AMPD1: variants seen among roughly 807,000 people sequenced by gnomAD.
AMPD1 encodes the protein adenosine monophosphate deaminase 1.
Under a neutral mutation model 82.9 loss-of-function variants are expected in AMPD1, and 74 were observed. That is an observed-to-expected ratio of 0.89 (90% CI 0.74 to 1.08). The LOEUF is 1.08. Ranked by LOEUF, AMPD1 falls within the 50% of genes least tolerant of loss-of-function variation. The pLI, the probability that AMPD1 is intolerant of heterozygous loss-of-function variation, is 0.00. For missense variants in AMPD1, 881 were observed against 924.5 expected (o/e 0.95, Z 0.61); for synonymous variants, 333 against 320.5 (o/e 1.04, Z -0.42).
At chr1:114,684,637 G>A (rs1658259461) in intron 4 of AMPD1, 1 of 529,924 alleles carries the variant, frequency 1.9e-6, no homozygotes, top group Admixed American at 3.2e-5. Context: ...TCTGGTTTTT[G>A]TTACATAGCA....
chr1:114,688,512 AC>A (rs770894044), intron 3 of AMPD1, 48 bp downstream of exon 3: 1 of 1,589,100 alleles, frequency 6.3e-7, no homozygotes, highest in African/African-American at 1.3e-5. Context: ...CCTGGCAGAT[AC>A]CCCTCCTTAG....
rs775914313 is a variant in AMPD1, at chr1:114,678,361, A to G, written c.1064T>C (p.Leu355Pro). 5.6e-6 allele frequency: 9 copies of G among 1,614,200 alleles called. No homozygotes were observed. Among genetic ancestry groups the G allele is most frequent in the Non-Finnish European group, 7.6e-6 (9 of 1,180,040 alleles). The change falls in exon 8 of 16, where the codon CTG (leucine) becomes CCG (proline). Residue 355 changes from leucine to proline, a missense_variant. By Grantham distance (98) the Leu-to-Pro change is moderately conservative. This residue lies in a region of AMPD1 where 783 missense variants were observed against 786.4 expected (regional missense o/e 1.00). Transcript: ENST00000520113. Reference sequence around the variant, plus strand: ...ATGAACATCCAGAGAATCAACAGTCAGGTCATAAGGATGCATTTTTAATTT... The same window carrying G: ...ATGAACATCCAGAGAATCAACAGTCGGGTCATAAGGATGCATTTTTAATTT... ...FAKLKMHPYD[L>P]TVDSLDVHAG...
At position 114,686,879 on chromosome 1, in the gene AMPD1, T is replaced by C. The variant is rs749940824; in HGVS notation, c.247A>G (p.Asn83Asp). Reference sequence around the variant, plus strand: ...GTTTCACTTAGTGGAATGGACAAATTAACAGTCTTCCGTCCTTGGAAACGC... The same window carrying C: ...GTTTCACTTAGTGGAATGGACAAATCAACAGTCTTCCGTCCTTGGAAACGC... ...KKRFQGRKTV[N>D]LSIPLSETSS... is the part of the protein sequence containing the mutation. Residue 83 changes from asparagine (N) to aspartate (D), a missense_variant, in exon 4 of 16, where the codon AAT (asparagine) becomes GAT (aspartate). Coordinates refer to ENST00000520113, the MANE Select transcript of AMPD1 (RefSeq NM_000036.3). The C allele has an allele frequency of 1.9e-6, 3 of 1,614,216 alleles. No individual in the cohort carries two copies. The highest frequency in any genetic ancestry group is 2.5e-6 in the Non-Finnish European group (3 of 1,180,026).
chr1:114,692,145 T>C lies in AMPD1; in HGVS notation c.34+1291A>G, dbSNP rs139218749. On this transcript the variant is annotated intron_variant, in intron 2 of 15. Transcript: ENST00000520113. ...TCCAGAAGTTGGAGATTACTATTAT[T>C]AACACAGGAAGTGCAAGACTCTTGA... Among the ~76,000 whole-genome samples, 552 of 152,314 alleles carry C rather than the reference T, an allele frequency of 3.6e-3. 4 individuals are homozygous for C. Among genetic ancestry groups the C allele is most frequent in the Middle Eastern group, 0.017 (5 of 294 alleles).
chr1:114,673,364 G>A lies in AMPD1; in HGVS notation c.2086-92C>T. The A allele has an allele frequency of 3.5e-6, 5 of 1,410,086 alleles. No individual in the cohort carries two copies. In the South Asian group the frequency reaches 3.6e-5, roughly 10 times the overall value. 87.3% of individuals were successfully genotyped at this position (1,410,086 alleles called of 1,614,324 possible). A position where few individuals can be genotyped will look rare whatever the true frequency, so the allele number is the denominator to read the frequency against. On this transcript the variant is annotated intron_variant, in intron 15 of 15. Coordinates refer to ENST00000520113, the MANE Select transcript of AMPD1 (RefSeq NM_000036.3). ...TTCTTTACAAAAATTCCTTCCTTAT[G>A]TTAGCCACTGACAAAAGAATAATAA...
intron 10 of AMPD1, 44 bp from the exon 11 acceptor site, chr1:114,676,047 T>C (rs1375558929): frequency 6.2e-7 from 1 of 1,604,788 alleles, no homozygotes; most frequent in Admixed American, 1.7e-5. Context: ...AAAAGATTTT[T>C]AGGACTGATA....
intron 5 of AMPD1, among the ~76,000 whole-genome samples, chr1:114,681,468 G>T (rs757421343): frequency 6.6e-6 from 1 of 151,598 alleles, no homozygotes; most frequent in Non-Finnish European, 1.5e-5. Flanking sequence ...GGTGGTGTGC[G>T]CCTGTAGTCC....
At chr1:114,685,193 G>A (rs983150395) in intron 4 of AMPD1, among the ~76,000 whole-genome samples, 8 of 152,148 alleles carry the variant, frequency 5.3e-5, no homozygotes, top group Non-Finnish European at 1.0e-4. Context: ...GGCCAAAAGC[G>A]TCTGGCACAG....
intron 2 of AMPD1, 63 bp from the exon 3 acceptor site, chr1:114,688,804 G>T (rs1658422909): frequency 5.7e-6 from 9 of 1,581,482 alleles, no homozygotes; most frequent in Non-Finnish European, 7.8e-6. Flanking sequence ...GAGAGTTTCT[G>T]CTATGTGTAA....
intron 5 of AMPD1, among the ~76,000 whole-genome samples, chr1:114,683,708 G>T (rs1308512251): frequency 6.6e-6 from 1 of 152,164 alleles, no homozygotes; most frequent in Non-Finnish European, 1.5e-5. Flanking sequence ...CTGCACTCCA[G>T]CCTGGGCAAC....
At chr1:114,675,414 G>A (rs1392236089) in intron 12 of AMPD1, 116 bp downstream of exon 12, 5 of 1,136,610 alleles carry the variant, frequency 4.4e-6, no homozygotes, top group East Asian at 4.7e-5. Context: ...TTTCTGATTT[G>A]GGCCAATTGG....
At chr1:114,675,456 C>G in intron 12 of AMPD1, 74 bp downstream of exon 12, 3 of 1,518,580 alleles carry the variant, frequency 2.0e-6, no homozygotes, top group Non-Finnish European at 2.7e-6. Flanking sequence ...GGCCCCTGAC[C>G]ACCTTAATTG....
In AMPD1 at chr1:114,686,871, G is replaced by A. The variant is rs756750015; in HGVS notation, c.255C>T (p.Ser85=). ...RFQGRKTVNL[S]IPLSETSSTK... The stretch of plus-strand genomic sequence containing the variant: ...TGGAAGATGTTTCACTTAGTGGAAT[G>A]GACAAATTAACAGTCTTCCGTCCTT... Residue 85 remains serine, a synonymous_variant, in exon 4 of 16, where the codon TCC becomes TCT. Transcript: ENST00000520113. 6.8e-6 allele frequency: 11 copies of A among 1,614,070 alleles called. No individual in the cohort carries two copies. In the African/African-American group the frequency reaches 1.5e-4, roughly 22 times the overall value.
rs1405614932 is a variant in AMPD1 at position 114,680,200 on chromosome 1, G to A, written c.767+59C>T. 3.6e-6 allele frequency: 5 copies of A among 1,406,066 alleles called. No individual in the cohort carries two copies. The East Asian group carries it at 1.1e-4, about 32-fold the overall frequency. 87.1% of individuals were successfully genotyped at this position (1,406,066 alleles called of 1,614,324 possible). Reference sequence around the variant, plus strand: ...CTCACTATCAGTAGAAGTAGTACTAGTTGTTGTTTAGGTCTTGTAGTACTA... The same window carrying A: ...CTCACTATCAGTAGAAGTAGTACTAATTGTTGTTTAGGTCTTGTAGTACTA... On this transcript the variant is annotated intron_variant, in intron 6 of 15. Transcript: ENST00000520113.
rs1342960427 is a variant in AMPD1 at position 114,678,523 on chromosome 1, T to C, written c.902A>G (p.Asp301Gly). The C allele has an allele frequency of 6.2e-7, 1 of 1,613,494 alleles. No individual in the cohort carries two copies. The highest frequency in any genetic ancestry group is 1.3e-5 in the African/African-American group (1 of 75,028). Reference protein sequence around the residue: ...HRDFYNCRKVDTHIHAAACMN... With the variant: ...HRDFYNCRKVGTHIHAAACMN... ...GCAAGCGGCTGCATGGATATGGGTG[T>C]CCACCTGTATGTATATTCAAAGAAA... The change falls in exon 8 of 16, where the codon GAC becomes GGC. Residue 301 changes from aspartate (D) to glycine (G), a missense_variant. Transcript: ENST00000520113.
chr1:114,676,911 T>C (rs1311810917), intron 10 of AMPD1, among the ~76,000 whole-genome samples: 3 of 152,052 alleles, frequency 2.0e-5, no homozygotes, highest in African/African-American at 4.8e-5. Context: ...TAAATACTCA[T>C]TGATTGTGGA....
At chr1:114,692,569 G>C (rs1159033147) in intron 2 of AMPD1, among the ~76,000 whole-genome samples, 1 of 152,044 alleles carries the variant, frequency 6.6e-6, no homozygotes, top group Non-Finnish European at 1.5e-5. Context: ...TGTAAACTCA[G>C]CTACTCAGGA....
chr1:114,682,824 C>T (rs544530216), intron 5 of AMPD1, among the ~76,000 whole-genome samples: 2 of 152,272 alleles, frequency 1.3e-5, no homozygotes, highest in Admixed American at 6.5e-5. Flanking sequence ...GTGATCCGCC[C>T]GCCTTGGCCT....
chr1:114,692,919 G>A (rs564628853), intron 2 of AMPD1, among the ~76,000 whole-genome samples: 2 of 151,466 alleles, frequency 1.3e-5, no homozygotes, highest in South Asian at 4.2e-4. Flanking sequence ...GATCACTTGA[G>A]GTCAGGAGTT....
Sources: allele counts gnomAD v4.1 joint callset (sites outside exome capture counted in the v4.1 genomes callset), GRCh38; gene constraint gnomAD v4.1.1; regional missense constraint gnomAD v4.1.1; transcripts MANE v1.5; gene names NCBI Gene and HGNC (gene_info 2026-07-23, HGNC 2026-07-21).